The following MGMT variants were observed in gnomAD, a reference collection of about 807,000 sequenced individuals.
The protein encoded by MGMT is methylated-DNA--protein-cysteine methyltransferase.
A neutral mutation model predicts 15.9 loss-of-function variants in MGMT; 14 were observed. The ratio of observed to expected loss-of-function variants is 0.88; its 90% confidence interval spans 0.58 to 1.37. The LOEUF (loss-of-function observed/expected upper bound fraction) is 1.37. MGMT is among the 40% of genes most tolerant of loss of function. The probability of loss-of-function intolerance (pLI) is 0.00; values close to 1 mark genes in which losing one functional copy is unlikely to be tolerated. For missense variants in MGMT, 282 were observed against 268.1 expected (o/e 1.05, Z -0.36); for synonymous variants, 130 against 118.2 (o/e 1.10, Z -0.65).
rs555497623 is a variant in MGMT, at chr10:129,704,913, C to T, written c.126-2982C>T. Among the ~76,000 whole-genome samples the T allele has an allele frequency of 4.9e-4, 74 of 152,284 alleles. 1 individual carries two copies. The South Asian group carries it at 8.1e-3, about 17-fold the overall frequency. ...GGTCTTCCGTCGCCGCCCCTGCTGT[C>T]GGATGACATGCACATTTCTGCACCT... is the stretch of plus-strand genomic sequence containing the variant. On this transcript the variant is annotated intron_variant, in intron 2 of 4. Coordinates refer to ENST00000651593, the MANE Select transcript of MGMT (RefSeq NM_002412.5).
chr10:129,672,133 C>CTT (rs1335402478), intron 2 of MGMT, among the ~76,000 whole-genome samples: 1 of 152,100 alleles, frequency 6.6e-6, no homozygotes, highest in Non-Finnish European at 1.5e-5. Flanking sequence ...GTTTCAGTTT[C>CTT]TTTTTTAGAA....
intron 2 of MGMT, among the ~76,000 whole-genome samples, chr10:129,586,460 A>G (rs1186042644): frequency 6.6e-6 from 1 of 152,170 alleles, no homozygotes; most frequent in Admixed American, 6.5e-5. Context: ...ATTTTACACA[A>G]AATTTTCTCG....
At chr10:129,514,911 G>A (rs950706893) in intron 1 of MGMT, among the ~76,000 whole-genome samples, 1 of 152,206 alleles carries the variant, frequency 6.6e-6, no homozygotes, top group Non-Finnish European at 1.5e-5. Flanking sequence ...TGCCCCACCC[G>A]GAGATGGCCT....
chr10:129,524,837 G>A (rs12766854), intron 1 of MGMT, among the ~76,000 whole-genome samples: 33,353 of 151,742 alleles, frequency 0.22, 4,245 homozygotes, highest in Non-Finnish European at 0.28. Context: ...TGATCCACAC[G>A]CCTCGGCCTC....
chr10:129,489,636 TA>T (rs1845447932), intron 1 of MGMT, among the ~76,000 whole-genome samples: 1 of 152,156 alleles, frequency 6.6e-6, no homozygotes, highest in Non-Finnish European at 1.5e-5. Context: ...TGGATTTCCT[TA>T]ATGTCTCTCA....
At chr10:129,673,063 G>A (rs550610190) in intron 2 of MGMT, among the ~76,000 whole-genome samples, 2 of 152,128 alleles carry the variant, frequency 1.3e-5, no homozygotes, top group Non-Finnish European at 2.9e-5. Flanking sequence ...CTCCTACAAG[G>A]TGGCCATTCA....
At chr10:129,759,059 C>T (rs1329603637) in intron 3 of MGMT, 143 bp from the exon 4 acceptor site, 1 of 1,017,388 alleles carries the variant, frequency 9.8e-7, no homozygotes, top group Admixed American at 2.1e-5. Flanking sequence ...ATGGTGGCAG[C>T]AGTGCATGGA....
intron 3 of MGMT, among the ~76,000 whole-genome samples, chr10:129,726,311 G>A (rs11016894): frequency 0.23 from 34,730 of 152,014 alleles, 4,782 homozygotes; most frequent in East Asian, 0.43. Flanking sequence ...GATCTCTGCT[G>A]GCCAGGTCCT....
chr10:129,623,960 C>G (rs1847117943), intron 2 of MGMT, among the ~76,000 whole-genome samples: 1 of 152,266 alleles, frequency 6.6e-6, no homozygotes, highest in Admixed American at 6.5e-5. Context: ...GTGCCCTTCC[C>G]AAGGGCTTGG....
chr10:129,673,081 C>G (rs1847742951), intron 2 of MGMT, among the ~76,000 whole-genome samples: 1 of 152,150 alleles, frequency 6.6e-6, no homozygotes, highest in South Asian at 2.1e-4. Context: ...TCAGATTCTT[C>G]CCCCAAGTTG....
chr10:129,590,193 C>G (rs1005508890), intron 2 of MGMT, among the ~76,000 whole-genome samples: 4 of 152,224 alleles, frequency 2.6e-5, no homozygotes, highest in Non-Finnish European at 5.9e-5. Context: ...GGTTTCAGAT[C>G]TGTCTGTGGT....
In MGMT at chr10:129,731,848, G is replaced by C. The variant is rs1848501502; in HGVS notation, c.274+23805G>C. Among the ~76,000 whole-genome samples the C allele has an allele frequency of 2.0e-5, 3 of 152,188 alleles. 1 individual carries two copies. In the South Asian group the frequency reaches 6.2e-4, roughly 32 times the overall value. On this transcript the variant is annotated intron_variant, in intron 3 of 4. Transcript: ENST00000651593. ...CCATTTTTGCAGAATGGAATGCCTT[G>C]ATGCCTGCCTCAGTGGAAGACAGCT... is the stretch of plus-strand genomic sequence containing the variant.
At chr10:129,745,289 G>A (rs184120780) in intron 3 of MGMT, among the ~76,000 whole-genome samples, 2 of 152,140 alleles carry the variant, frequency 1.3e-5, no homozygotes, top group East Asian at 1.9e-4. Context: ...GGGGTATACA[G>A]TCCCGTGAAT....
intron 1 of MGMT, among the ~76,000 whole-genome samples, chr10:129,475,770 C>T (rs774942593): frequency 1.3e-5 from 2 of 152,194 alleles, no homozygotes; most frequent in Non-Finnish European, 2.9e-5. Flanking sequence ...GAGGAGGTTG[C>T]TTCCATGGTG....
intron 2 of MGMT, among the ~76,000 whole-genome samples, chr10:129,605,636 C>T (rs1277813345): frequency 6.6e-6 from 1 of 152,130 alleles, no homozygotes; most frequent in Admixed American, 6.5e-5. Flanking sequence ...CTTTATTGTC[C>T]TCCCGAGGAA....
intron 1 of MGMT, among the ~76,000 whole-genome samples, chr10:129,518,847 T>C (rs1297858788): frequency 3.3e-5 from 5 of 151,860 alleles, no homozygotes; most frequent in Middle Eastern, 6.8e-3. Flanking sequence ...TTTGACTGTG[T>C]GGGGCTTCAA....
intron 2 of MGMT, among the ~76,000 whole-genome samples, chr10:129,617,550 C>T (rs61859901): frequency 0.087 from 13,262 of 152,066 alleles, 778 homozygotes; most frequent in East Asian, 0.3. Context: ...CCACCAAGAG[C>T]GTATAAGCAT....
intron 3 of MGMT, among the ~76,000 whole-genome samples, chr10:129,718,156 C>T (rs1243036488): frequency 6.6e-6 from 1 of 152,174 alleles, no homozygotes; most frequent in Non-Finnish European, 1.5e-5. Flanking sequence ...TTCTAATGCC[C>T]TAGAAGATGA....
intron 3 of MGMT, among the ~76,000 whole-genome samples, chr10:129,747,543 G>A (rs1487347582): frequency 6.6e-6 from 1 of 152,168 alleles, no homozygotes; most frequent in African/African-American, 2.4e-5. Context: ...TGAAAAATCA[G>A]TAGGGTTCTC....
Sources: gnomAD v4.1 joint callset for allele counts (sites outside exome capture counted in the v4.1 genomes callset) on GRCh38, gnomAD v4.1.1 for gene constraint, MANE v1.5 for transcripts, NCBI Gene and HGNC (gene_info 2026-07-23, HGNC 2026-07-21) for gene names.